PI4KA: variants seen among roughly 807,000 people sequenced by gnomAD.
PI4KA encodes the protein phosphatidylinositol 4-kinase alpha.
PI4KA carries 122 observed loss-of-function variants against 271.4 expected under a neutral mutation model. The observed-to-expected ratio is 0.45, with a 90% CI of 0.39 to 0.52. The LOEUF (loss-of-function observed/expected upper bound fraction) is 0.52. Ranked by LOEUF, PI4KA falls within the 20% of genes least tolerant of loss-of-function variation. The pLI, the probability that PI4KA is intolerant of heterozygous loss-of-function variation, is 0.00. For synonymous variants in PI4KA, 1,041 were observed against 1,078.8 expected (o/e 0.96, Z 0.69); for missense variants, 1,969 against 2,769.1 (o/e 0.71, Z 6.48).
intron 19 of PI4KA, among the ~76,000 whole-genome samples, chr22:20,775,092 C>T (rs866099911): frequency 2.6e-5 from 4 of 152,036 alleles, no homozygotes; most frequent in African/African-American, 7.2e-5. Context: ...GACCATACAC[C>T]AGGAGGGATG....
At chr22:20,794,460 TC>T (rs1934859831) in intron 18 of PI4KA, among the ~76,000 whole-genome samples, 3 of 152,136 alleles carry the variant, frequency 2.0e-5, no homozygotes, top group Admixed American at 2.0e-4. Flanking sequence ...ACTGAGGTGG[TC>T]CCAGCTGTGT....
chr22:20,832,846 C>T (rs916573353), intron 3 of PI4KA, among the ~76,000 whole-genome samples: 1 of 152,172 alleles, frequency 6.6e-6, no homozygotes, highest in African/African-American at 2.4e-5. Flanking sequence ...CAACTTTCTC[C>T]TGAATGTTGA....
At position 20,765,780 on chromosome 22, in the gene PI4KA, T is replaced by G. The variant is rs1003161239; in HGVS notation, c.2329-87A>C. The G allele has an allele frequency of 4.8e-5, 40 of 827,284 alleles. No individual in the cohort carries two copies. The African/African-American group carries it at 6.5e-4, about 14-fold the overall frequency. 51.2% of individuals were successfully genotyped at this position (827,284 alleles called of 1,614,324 possible). ...AGGTGTAAAATCAACCACAGATTCA[T>G]TCTCTAAGAGCATTCTCAGAAACTC... On this transcript the variant is annotated intron_variant, in intron 19 of 54. Transcript: ENST00000255882.
At chr22:20,744,607 G>A (rs1929849995) in intron 30 of PI4KA, 21 bp downstream of exon 30, 1 of 1,593,806 alleles carries the variant, frequency 6.3e-7, no homozygotes, top group Non-Finnish European at 8.6e-7. Context: ...AGGCCCTAGG[G>A]CGCAAGGACA....
intron 42 of PI4KA, chr22:20,721,622 G>C: frequency 7.1e-6 from 4 of 564,802 alleles, no homozygotes; most frequent in Non-Finnish European, 1.3e-5. Context: ...GCTGGGACCT[G>C]GGGGGCAGGG....
In PI4KA at chr22:20,744,675, A is replaced by G. The variant is rs1929859003; in HGVS notation, c.3409T>C (p.Ser1137Pro). Residue 1137 changes from serine (S) to proline (P), a missense_variant, in exon 30 of 55, where the codon TCC becomes CCC. By Grantham distance (74) the Ser-to-Pro change is moderately conservative. Around this residue, in one of 13 missense-constraint regions of PI4KA, gnomAD observed 203 missense variants for 256.8 expected, o/e 0.79. Coordinates refer to ENST00000255882, the MANE Select transcript of PI4KA (RefSeq NM_058004.4). ...ERPACVKKDY[S>P]NFMASLNLRN... ...AGATTCAGGGATGCCATGAAGTTGGAGTAGTCTTTCTTCACACAGGCCGGG... is the reference window on the plus strand; with the variant it reads ...AGATTCAGGGATGCCATGAAGTTGGGGTAGTCTTTCTTCACACAGGCCGGG... The G allele has an allele frequency of 6.2e-7, 1 of 1,614,100 alleles. No individual in the cohort carries two copies. Among genetic ancestry groups the G allele is most frequent in the Non-Finnish European group, 8.5e-7 (1 of 1,180,038 alleles).
At chr22:20,846,340 GA>G (rs1601613392) in intron 1 of PI4KA, among the ~76,000 whole-genome samples, 2 of 147,496 alleles carry the variant, frequency 1.4e-5, no homozygotes, top group African/African-American at 5.0e-5. Flanking sequence ...AGCAAATTAA[GA>G]AAACTATTCC....
intron 19 of PI4KA, among the ~76,000 whole-genome samples, chr22:20,766,760 T>C (rs552691857): frequency 5.9e-5 from 9 of 152,254 alleles, no homozygotes; most frequent in East Asian, 3.9e-4. Flanking sequence ...ATCAGTGATG[T>C]TGAGCCTGTG....
At chr22:20,835,483 G>C (rs1274998605) in intron 2 of PI4KA, among the ~76,000 whole-genome samples, 2 of 152,286 alleles carry the variant, frequency 1.3e-5, no homozygotes, top group East Asian at 3.9e-4. Flanking sequence ...CGTAATCCCA[G>C]CACTTTGGGA....
intron 39 of PI4KA, among the ~76,000 whole-genome samples, chr22:20,729,039 A>G (rs1456333298): frequency 6.6e-6 from 1 of 152,216 alleles, no homozygotes; most frequent in South Asian, 2.1e-4. Flanking sequence ...GGCAGGAATC[A>G]GATCTTGGCT....
intron 1 of PI4KA, among the ~76,000 whole-genome samples, chr22:20,855,681 A>G (rs1363506039): frequency 6.6e-6 from 1 of 152,190 alleles, no homozygotes; most frequent in African/African-American, 2.4e-5. Flanking sequence ...ACAGCAGCAA[A>G]ATATTCAATA....
chr22:20,733,929 G>C lies in PI4KA; in HGVS notation c.4053-86C>G, dbSNP rs907792267. On this transcript the variant is annotated intron_variant, in intron 34 of 54. Transcript: ENST00000255882. ...ATGGACTCTCTTCCCTGCCCTTCCAGGAGCAGCTCACTGAAATGTGTTCCC... is the reference window on the plus strand; with the variant it reads ...ATGGACTCTCTTCCCTGCCCTTCCACGAGCAGCTCACTGAAATGTGTTCCC... 61 of 1,553,170 alleles carry C rather than the reference G, an allele frequency of 3.9e-5. No homozygotes were observed. The Middle Eastern group carries it at 1.6e-3, about 42-fold the overall frequency.
Position 20,785,921 on chromosome 22 carries a change from C to T in PI4KA, c.2328+7272G>A, listed in dbSNP as rs761013950. ...TATCAATTCTGTGATAAATATAACC[C>T]GTGGCCCTTTAAAGGGAAAATCATG... On this transcript the variant is annotated intron_variant, in intron 19 of 54. Transcript: ENST00000255882. 97 of 1,560,052 alleles carry T rather than the reference C, an allele frequency of 6.2e-5. 1 individual carries two copies. The highest frequency in any genetic ancestry group is 6.2e-5 in the Non-Finnish European group (70 of 1,132,758).
chr22:20,738,978 G>A (rs1249325820), intron 32 of PI4KA, among the ~76,000 whole-genome samples: 1 of 150,168 alleles, frequency 6.7e-6, no homozygotes, highest in African/African-American at 2.5e-5. Context: ...CGAGGCAGGC[G>A]GATCACAAGG....
At position 20,753,444 on chromosome 22, in the gene PI4KA, GC is replaced by G. The variant is rs1324283168; in HGVS notation, c.2792-265del. Among the ~76,000 whole-genome samples the G allele has an allele frequency of 6.6e-5, 10 of 152,118 alleles. 1 individual carries two copies. The highest frequency in any genetic ancestry group is 1.3e-4 in the Admixed American group (2 of 15,264). On this transcript the variant is annotated intron_variant, in intron 23 of 54. Transcript: ENST00000255882. ...TGGATTTCCCAGGTCTCCCACACATGCCCCGCTTCTGTTCCAGCATCCAACC... is the reference window on the plus strand; with the variant it reads ...TGGATTTCCCAGGTCTCCCACACATGCCCGCTTCTGTTCCAGCATCCAACC...
chr22:20,770,579 GACACACACACAC>G (rs528696021), intron 19 of PI4KA, among the ~76,000 whole-genome samples: 1,319 of 96,034 alleles, frequency 0.014, 17 homozygotes, highest in African/African-American at 0.037. Flanking sequence ...GCTGGACACG[GACACACACACAC>G]ACACACACAC....
intron 1 of PI4KA, 77 bp downstream of exon 1, chr22:20,858,493 G>A (rs754372075): frequency 3.0e-5 from 33 of 1,093,936 alleles, no homozygotes; most frequent in Non-Finnish European, 3.8e-5. Flanking sequence ...GCCTCCCACA[G>A]ACCCTCGTCC....
intron 1 of PI4KA, among the ~76,000 whole-genome samples, chr22:20,848,632 C>G (rs1048031064): frequency 6.6e-6 from 1 of 152,028 alleles, no homozygotes; most frequent in African/African-American, 2.4e-5. Context: ...TGGATATTCA[C>G]ATGCAAAAGA....
chr22:20,714,785 C>A (rs2276011), intron 45 of PI4KA, 85 bp from the exon 46 acceptor site: 60,671 of 1,476,568 alleles, frequency 0.041, 1,616 homozygotes, highest in South Asian at 0.1. Flanking sequence ...ATGTTACATG[C>A]GTGTCCACCC....
Sources: gnomAD v4.1 joint callset for allele counts (sites outside exome capture counted in the v4.1 genomes callset) on GRCh38, gnomAD v4.1.1 for gene constraint, gnomAD v4.1.1 regional missense constraint, MANE v1.5 for transcripts, NCBI Gene and HGNC (gene_info 2026-07-23, HGNC 2026-07-21) for gene names.